The following LHFPL6 variants were observed in gnomAD, a reference collection of about 807,000 sequenced individuals.
The protein encoded by LHFPL6 is LHFPL tetraspan subfamily member 6 protein.
Under a neutral mutation model 20.6 loss-of-function variants are expected in LHFPL6, and 9 were observed. The observed-to-expected ratio is 0.44, with a 90% confidence interval of 0.26 to 0.76. LHFPL6 has a LOEUF of 0.76. LHFPL6 is among the 30% of genes least tolerant of loss of function. LHFPL6 has a pLI of 0.20. For missense variants in LHFPL6, 218 were observed against 253.5 expected, an observed-to-expected ratio of 0.86 and a Z score of 0.95; for synonymous variants, 105 against 98.7, an observed-to-expected ratio of 1.06 and a Z score of -0.38.
chr13:39,364,666 A>T (rs1869965074), intron 3 of LHFPL6, among the ~76,000 whole-genome samples: 1 of 151,342 alleles, frequency 6.6e-6, no homozygotes. Context: ...CTTTTTTTTT[A>T]ATTAACTGTA....
chr13:39,420,700 T>A (rs1323938), intron 2 of LHFPL6, among the ~76,000 whole-genome samples: 144,078 of 152,264 alleles, frequency 0.95, 68,676 homozygotes, highest in East Asian at 1. Context: ...TAATTTTATT[T>A]TCACTTTCCT....
intron 2 of LHFPL6, among the ~76,000 whole-genome samples, chr13:39,511,462 T>C: frequency 8.1e-6 from 1 of 124,092 alleles, no homozygotes; most frequent in East Asian, 2.2e-4. Flanking sequence ...TTGATTTAAA[T>C]TCTTAAAAAA....
intron 2 of LHFPL6, among the ~76,000 whole-genome samples, chr13:39,523,547 G>GAAA (rs10588059): frequency 7.7e-6 from 1 of 130,000 alleles, no homozygotes. Context: ...GTCTCAAAAG[G>GAAA]AAAAAAAAAA....
intron 2 of LHFPL6, among the ~76,000 whole-genome samples, chr13:39,585,237 T>A (rs1872412393): frequency 6.6e-6 from 1 of 152,218 alleles, no homozygotes; most frequent in Non-Finnish European, 1.5e-5. Flanking sequence ...ACATAGTGAG[T>A]CTTGCTAAGG....
intron 2 of LHFPL6, among the ~76,000 whole-genome samples, chr13:39,472,036 C>T (rs1872960758): frequency 6.6e-6 from 1 of 152,122 alleles, no homozygotes; most frequent in Non-Finnish European, 1.5e-5. Flanking sequence ...GACAGGTATT[C>T]CCAAAATTAC....
rs915345703 is a variant in LHFPL6, at chr13:39,360,590, C to T, written c.485-16536G>A. Among the ~76,000 whole-genome samples, 2 of 95,610 alleles carry T rather than the reference C, an allele frequency of 2.1e-5. 1 individual carries two copies. Among genetic ancestry groups the T allele is most frequent in the Admixed American group, 2.4e-4 (2 of 8,238 alleles). The allele number at this position is 95,610 out of a possible 152,430, so 62.7% of individuals were successfully genotyped here. A position where few individuals can be genotyped will look rare whatever the true frequency, so the allele number is the denominator to read the frequency against. On this transcript the variant is annotated intron_variant, in intron 3 of 3. Transcript: ENST00000379589. ...TGAATTTTGATGGGAAAATATATAT[C>T]AGCCTTGTCAATTTTATCCAGTGTA... is the stretch of plus-strand genomic sequence containing the variant.
chr13:39,410,984 T>C (rs9576797), intron 2 of LHFPL6, among the ~76,000 whole-genome samples: 20,192 of 152,242 alleles, frequency 0.13, 1,491 homozygotes, highest in Non-Finnish European at 0.17. Context: ...AAGCGGTTTA[T>C]TATAGGGGAG....
At position 39,553,202 on chromosome 13, in the gene LHFPL6, A is replaced by G. The variant is rs117749075; in HGVS notation, c.385+47630T>C. On this transcript the variant is annotated intron_variant, in intron 2 of 3. Coordinates refer to ENST00000379589, the MANE Select transcript of LHFPL6 (RefSeq NM_005780.3). Reference sequence around the variant, plus strand: ...ACAGAAATACAATTAATGGAATACAATTTAGAAATTATTTTGATAATCATC... The same window carrying G: ...ACAGAAATACAATTAATGGAATACAGTTTAGAAATTATTTTGATAATCATC... Among the ~76,000 whole-genome samples, 120 of 152,320 alleles carry G rather than the reference A, an allele frequency of 7.9e-4. 1 individual carries two copies. The highest frequency in any genetic ancestry group is 1.5e-3 in the Non-Finnish European group (103 of 68,030).
At chr13:39,389,173 G>A (rs1870643978) in intron 2 of LHFPL6, among the ~76,000 whole-genome samples, 1 of 152,300 alleles carries the variant, frequency 6.6e-6, no homozygotes, top group Non-Finnish European at 1.5e-5. Flanking sequence ...CAGATCATAT[G>A]AGGAACTACA....
intron 2 of LHFPL6, among the ~76,000 whole-genome samples, chr13:39,473,775 T>G (rs1873009706): frequency 6.6e-6 from 1 of 152,224 alleles, no homozygotes; most frequent in African/African-American, 2.4e-5. Flanking sequence ...ATGTGTCACT[T>G]GAAGTGCTGG....
At chr13:39,601,443 A>G in intron 1 of LHFPL6, 53 bp from the exon 2 acceptor site, 1 of 429,538 alleles carries the variant, frequency 2.3e-6, no homozygotes, top group East Asian at 3.3e-5. Context: ...AGAAGTGATA[A>G]CACTGTTTCA....
chr13:39,524,595 A>C (rs188735643), intron 2 of LHFPL6, among the ~76,000 whole-genome samples: 1 of 152,272 alleles, frequency 6.6e-6, no homozygotes, highest in East Asian at 1.9e-4. Context: ...GTGCAAAGGG[A>C]AGAGGTATCC....
At chr13:39,587,312 T>C (rs1311273524) in intron 2 of LHFPL6, among the ~76,000 whole-genome samples, 1 of 152,130 alleles carries the variant, frequency 6.6e-6, no homozygotes, top group Non-Finnish European at 1.5e-5. Context: ...CAGATCTCTT[T>C]ACAATTCCTT....
chr13:39,534,543 G>C (rs558167216), intron 2 of LHFPL6, among the ~76,000 whole-genome samples: 66 of 152,328 alleles, frequency 4.3e-4, no homozygotes, highest in African/African-American at 1.5e-3. Flanking sequence ...TATATTGTAA[G>C]TGAAAAGTCA....
chr13:39,434,327 C>G (rs1046179423), intron 2 of LHFPL6, among the ~76,000 whole-genome samples: 1 of 152,024 alleles, frequency 6.6e-6, no homozygotes, highest in Non-Finnish European at 1.5e-5. Flanking sequence ...ATGACTTGTC[C>G]AAAGTCATAC....
chr13:39,508,875 G>A lies in LHFPL6; in HGVS notation c.385+91957C>T, dbSNP rs113355770. ...TAGATACCTATGAATGGACTGGCTC[G>A]GGTAATACAGTATATATGTATTTAA... On this transcript the variant is annotated intron_variant, in intron 2 of 3. Coordinates refer to ENST00000379589, the MANE Select transcript of LHFPL6 (RefSeq NM_005780.3). Among the ~76,000 whole-genome samples the A allele has an allele frequency of 2.7e-3, 415 of 152,186 alleles. 2 individuals carry two copies. The highest frequency in any genetic ancestry group is 4.8e-3 in the Non-Finnish European group (326 of 68,006).
chr13:39,408,931 C>A (rs112611048), intron 2 of LHFPL6, among the ~76,000 whole-genome samples: 2 of 152,086 alleles, frequency 1.3e-5, no homozygotes, highest in African/African-American at 4.8e-5. Context: ...TTTTCCAACC[C>A]AAAGCCACCT....
intron 2 of LHFPL6, among the ~76,000 whole-genome samples, chr13:39,464,808 C>T (rs1872764120): frequency 6.6e-6 from 1 of 150,424 alleles, no homozygotes. Flanking sequence ...GAATTGTGTA[C>T]TTGTTTCACT....
intron 2 of LHFPL6, among the ~76,000 whole-genome samples, chr13:39,457,890 A>G (rs1393697059): frequency 2.6e-5 from 4 of 152,216 alleles, no homozygotes; most frequent in South Asian, 2.1e-4. Flanking sequence ...GAACATAGAA[A>G]ATGGCCACAG....
Sources: allele counts gnomAD v4.1 joint callset (sites outside exome capture counted in the v4.1 genomes callset), GRCh38; gene constraint gnomAD v4.1.1; transcripts MANE v1.5; gene names NCBI Gene and HGNC (gene_info 2026-07-23, HGNC 2026-07-21).